Variants in CCNC observed in about 807,000 individuals in gnomAD.
The protein encoded by CCNC is cyclin C.
CCNC carries 19 observed loss-of-function variants against 50.0 expected under a neutral mutation model. The observed-to-expected ratio is 0.38, with a 90% CI of 0.27 to 0.56. CCNC has a LOEUF of 0.56. Ranked by LOEUF, CCNC falls within the 20% of genes least tolerant of loss-of-function variation. CCNC has a pLI of 0.72. For missense variants in CCNC, 200 were observed against 327.1 expected, an observed-to-expected ratio of 0.61 and a Z score of 3.00; for synonymous variants, 93 against 103.7, an observed-to-expected ratio of 0.90 and a Z score of 0.63.
chr6:99,549,590 A>G lies in CCNC; in HGVS notation c.531-15T>C. On this transcript the variant is annotated splice_polypyrimidine_tract_variant and intron_variant, in intron 8 of 11. Transcript: ENST00000520429. Reference sequence around the variant, plus strand: ...TCACTATCCTCCTATAGAAATGTAAATCATATTATTACTGAAAGCAGAACT... The same window carrying G: ...TCACTATCCTCCTATAGAAATGTAAGTCATATTATTACTGAAAGCAGAACT... 1 of 1,530,952 alleles carries G rather than the reference A, an allele frequency of 6.5e-7. No homozygotes were observed. 94.8% of individuals were successfully genotyped at this position (1,530,952 alleles called of 1,614,324 possible). A position where few individuals can be genotyped will look rare whatever the true frequency, so the allele number is the denominator to read the frequency against.
chr6:99,568,353 T>G, intron 1 of CCNC, 143 bp downstream of exon 1: 2 of 771,120 alleles, frequency 2.6e-6, no homozygotes, highest in African/African-American at 1.8e-5. Flanking sequence ...GAAAAGCGCA[T>G]CTTGATTCTG....
At chr6:99,558,725 G>A (rs1264031795) in intron 4 of CCNC, among the ~76,000 whole-genome samples, 177 bp from the exon 5 acceptor site, 2 of 152,106 alleles carry the variant, frequency 1.3e-5, no homozygotes, top group African/African-American at 4.8e-5. Flanking sequence ...GACATGCTTA[G>A]GATCAGAGAT....
chr6:99,555,824 A>T (rs1019981707), intron 5 of CCNC, among the ~76,000 whole-genome samples: 2 of 152,158 alleles, frequency 1.3e-5, no homozygotes, highest in African/African-American at 2.4e-5. Context: ...TAACATATTT[A>T]TACTTAGAAT....
chr6:99,568,777 G>C, upstream of CCNC: 1 of 1,259,106 alleles, frequency 7.9e-7, no homozygotes, highest in Non-Finnish European at 1.0e-6. Context: ...GGAGCCGGAG[G>C]GGAGGTGCTG....
At chr6:99,558,651 T>C (rs1425079990) in intron 4 of CCNC, 103 bp from the exon 5 acceptor site, 3 of 1,030,370 alleles carry the variant, frequency 2.9e-6, no homozygotes, top group East Asian at 5.1e-5. Context: ...TCTGTTCACC[T>C]TCTAACTACT....
intron 6 of CCNC, among the ~76,000 whole-genome samples, chr6:99,551,307 C>T (rs922329241): frequency 6.6e-6 from 1 of 151,966 alleles, no homozygotes; most frequent in Non-Finnish European, 1.5e-5. Flanking sequence ...TTTAAAATAT[C>T]CTGTAAAACC....
chr6:99,553,520 T>C (rs2114317520), intron 5 of CCNC, among the ~76,000 whole-genome samples: 1 of 152,324 alleles, frequency 6.6e-6, no homozygotes, highest in East Asian at 1.9e-4. Flanking sequence ...CTCCTCTCTA[T>C]TGTTTGTCTT....
At chr6:99,544,152 C>T in intron 11 of CCNC, 1 of 1,494,346 alleles carries the variant, frequency 6.7e-7, no homozygotes, top group Non-Finnish European at 8.9e-7. Flanking sequence ...ATGCTGAATA[C>T]TTAAAAATAA....
Position 99,567,569 on chromosome 6 carries a change from T to TA in CCNC, c.32+926dup, listed in dbSNP as rs1201889080. Among the ~76,000 whole-genome samples the TA allele has an allele frequency of 4.6e-5, 7 of 152,146 alleles. No homozygotes were observed. In the East Asian group the frequency reaches 7.7e-4, roughly 17 times the overall value. On this transcript the variant is annotated intron_variant, in intron 1 of 11. Transcript: ENST00000520429. Reference sequence around the variant, plus strand: ...TTCTTTTTTTCTCTTTGCAAAGGGCTAAAAAATGAACATCAGGAACAGATC... The same window carrying TA: ...TTCTTTTTTTCTCTTTGCAAAGGGCTAAAAAAATGAACATCAGGAACAGATC...
intron 1 of CCNC, 114 bp downstream of exon 1, chr6:99,568,382 G>C (rs1769247239): frequency 9.7e-6 from 10 of 1,030,800 alleles, no homozygotes; most frequent in Non-Finnish European, 1.5e-5. Flanking sequence ...GGTCTCCCGT[G>C]AGGACCCCGG....
intron 1 of CCNC, among the ~76,000 whole-genome samples, chr6:99,565,824 G>A (rs1318833544): frequency 1.3e-5 from 2 of 151,958 alleles, no homozygotes; most frequent in Admixed American, 1.3e-4. Context: ...TCAATGTAAT[G>A]TTAGACTGCA....
At chr6:99,558,636 T>G (rs950035660) in intron 4 of CCNC, 88 bp from the exon 5 acceptor site, 7 of 1,260,672 alleles carry the variant, frequency 5.6e-6, no homozygotes, top group Non-Finnish European at 7.6e-6. Flanking sequence ...TGCTCCTGTT[T>G]ACAATCTGTT....
intron 1 of CCNC, among the ~76,000 whole-genome samples, chr6:99,566,272 TTC>T (rs893457227): frequency 5.9e-4 from 12 of 20,368 alleles, no homozygotes; most frequent in African/African-American, 1.7e-3. Context: ...TTTTAAGTCT[TTC>T]TGTTTCTTTA....
intron 11 of CCNC, chr6:99,544,195 A>T: frequency 6.5e-7 from 1 of 1,526,778 alleles, no homozygotes; most frequent in South Asian, 1.2e-5. Context: ...CTTTGGCAAT[A>T]GGATTATTGC....
chr6:99,556,378 T>C (rs925386455), intron 5 of CCNC, among the ~76,000 whole-genome samples: 6 of 152,366 alleles, frequency 3.9e-5, no homozygotes, highest in South Asian at 2.1e-4. Flanking sequence ...CTTACCATAA[T>C]GTCCTCAAGG....
intron 1 of CCNC, chr6:99,568,174 G>T (rs549713490): frequency 2.4e-6 from 1 of 418,248 alleles, no homozygotes; most frequent in Non-Finnish European, 4.5e-6. Flanking sequence ...CACACTTCCC[G>T]TACCTGTGCC....
At chr6:99,560,576 T>C (rs1802736716) in intron 4 of CCNC, among the ~76,000 whole-genome samples, 1 of 152,160 alleles carries the variant, frequency 6.6e-6, no homozygotes, top group Non-Finnish European at 1.5e-5. Flanking sequence ...AATAGAAACA[T>C]AATGCAAAGA....
rs1487003704 is a variant in CCNC, at chr6:99,568,588, TAGACCC to T, written c.-67_-62del. On this transcript the variant is annotated 5_prime_UTR_variant, in exon 1 of 12. Coordinates refer to ENST00000520429, the MANE Select transcript of CCNC (RefSeq NM_005190.4). The stretch of plus-strand genomic sequence containing the variant: ...GGCGGAGCGGCCCGCGGAGCGACCA[TAGACCC>T]AGCCCGTCCGGTAACCGCGCTCCTC... The T allele has an allele frequency of 6.3e-7, 1 of 1,590,388 alleles. No individual in the cohort carries two copies. The highest frequency in any genetic ancestry group is 8.6e-7 in the Non-Finnish European group (1 of 1,169,242).
chr6:99,546,309 T>A lies in CCNC; in HGVS notation c.678+86A>T, dbSNP rs759601499. The A allele has an allele frequency of 5.2e-5, 44 of 849,974 alleles. 1 individual carries two copies. Among genetic ancestry groups the A allele is most frequent in the Non-Finnish European group, 6.1e-5 (30 of 495,598 alleles). 52.7% of individuals were successfully genotyped at this position (849,974 alleles called of 1,614,324 possible). A position where few individuals can be genotyped will look rare whatever the true frequency, so the allele number is the denominator to read the frequency against. On this transcript the variant is annotated intron_variant, in intron 10 of 11. Transcript: ENST00000520429. Reference sequence around the variant, plus strand: ...GTAACCAATAATCTTCTTAGCCTGGTGGACATCACAAGATTTTAGGCTCAT... The same window carrying A: ...GTAACCAATAATCTTCTTAGCCTGGAGGACATCACAAGATTTTAGGCTCAT...
Sources: allele counts gnomAD v4.1 joint callset (sites outside exome capture counted in the v4.1 genomes callset), GRCh38; gene constraint gnomAD v4.1.1; transcripts MANE v1.5; gene names NCBI Gene and HGNC (gene_info 2026-07-23, HGNC 2026-07-21).